Variants in ARHGAP20 observed in about 807,000 individuals in gnomAD.
The protein encoded by ARHGAP20 is rho GTPase-activating protein 20.
Under a neutral mutation model 73.7 loss-of-function variants are expected in ARHGAP20, and 34 were observed. The observed-to-expected ratio is 0.46, with a 90% confidence interval of 0.35 to 0.61. The LOEUF (loss-of-function observed/expected upper bound fraction) is 0.61, where lower values mean the gene tolerates loss of function less well. Among genes scored for constraint, ARHGAP20 ranks in the 20% least tolerant of loss-of-function variants. The pLI is 0.00. For synonymous variants in ARHGAP20, 523 were observed against 518.2 expected (o/e 1.01, Z -0.13); for missense variants, 1,314 against 1,420.9 (o/e 0.92, Z 1.21).
Position 110,712,421 on chromosome 11 carries a change from G to T in ARHGAP20, c.-190C>A. On this transcript the variant is annotated 5_prime_UTR_variant, in exon 1 of 15. Transcript: ENST00000683387. ...TACCTCCGCCTGCGCTCGACACCGC[G>T]GGCTGGAGGCGAGTGCAGCGGCGAC... is the stretch of plus-strand genomic sequence containing the variant. 3.4e-6 allele frequency: 1 copy of T among 293,518 alleles called. No individual in the cohort carries two copies. The highest frequency in any genetic ancestry group is 6.3e-5 in the East Asian group (1 of 15,790). The allele number at this position is 293,518 out of a possible 1,614,324, so 18.2% of individuals were successfully genotyped here. A position where few individuals can be genotyped will look rare whatever the true frequency, so the allele number is the denominator to read the frequency against.
In ARHGAP20 at chr11:110,712,109, C is replaced by A. The variant is rs1211236164; in HGVS notation, c.105+18G>T. The A allele has an allele frequency of 1.5e-6, 2 of 1,308,504 alleles. No individual in the cohort carries two copies. The highest frequency in any genetic ancestry group is 3.1e-5 in the East Asian group (1 of 32,714). 81.1% of individuals were successfully genotyped at this position (1,308,504 alleles called of 1,614,324 possible). Reference sequence around the variant, plus strand: ...GCTGCGGCGGCGGAGGGCACGGGCCCCCGCTCAGCGTCCTCACCTTCTTGG... The same window carrying A: ...GCTGCGGCGGCGGAGGGCACGGGCCACCGCTCAGCGTCCTCACCTTCTTGG... On this transcript the variant is annotated intron_variant, in intron 1 of 14. Transcript: ENST00000683387.
At chr11:110,593,366 T>G (rs1947876203) in intron 9 of ARHGAP20, among the ~76,000 whole-genome samples, 2 of 152,174 alleles carry the variant, frequency 1.3e-5, no homozygotes, top group Non-Finnish European at 2.9e-5. Flanking sequence ...AGGTTACACT[T>G]TTAAAAGTGG....
chr11:110,660,035 C>G (rs1224891922), intron 2 of ARHGAP20, among the ~76,000 whole-genome samples: 1 of 141,434 alleles, frequency 7.1e-6, no homozygotes. Flanking sequence ...GCACATGTAC[C>G]CTAAAACTTA....
intron 2 of ARHGAP20, among the ~76,000 whole-genome samples, chr11:110,654,998 G>C (rs1402708729): frequency 5.9e-5 from 9 of 152,128 alleles, no homozygotes; most frequent in Non-Finnish European, 1.3e-4. Flanking sequence ...CCCCAACTCT[G>C]GATGTCTACA....
At chr11:110,620,998 C>T (rs935873274) in intron 4 of ARHGAP20, among the ~76,000 whole-genome samples, 7 of 128,894 alleles carry the variant, frequency 5.4e-5, no homozygotes, top group Admixed American at 2.8e-4. Context: ...CACTTGAAGC[C>T]GGGAGGCAGA....
intron 13 of ARHGAP20, 94 bp downstream of exon 13, chr11:110,583,454 G>T: frequency 8.7e-7 from 1 of 1,153,446 alleles, no homozygotes; most frequent in Non-Finnish European, 1.2e-6. Flanking sequence ...GTATATTTAA[G>T]TTATTTAAGA....
chr11:110,606,865 CTTTG>C, intron 8 of ARHGAP20, 116 bp from the exon 9 acceptor site: 1 of 873,748 alleles, frequency 1.1e-6, no homozygotes, highest in Non-Finnish European at 1.6e-6. Flanking sequence ...TAAAGAATCC[CTTTG>C]TTTGACAGAA....
chr11:110,649,083 C>T (rs1448397797), intron 2 of ARHGAP20, among the ~76,000 whole-genome samples: 3 of 151,516 alleles, frequency 2.0e-5, no homozygotes, highest in Non-Finnish European at 4.4e-5. Flanking sequence ...AATTTAAATA[C>T]TTTCTCTTTG....
rs1374444363 is a variant in ARHGAP20, at chr11:110,705,530, A to C, written c.105+6597T>G. 5.3e-5 allele frequency among the ~76,000 whole-genome samples: 8 copies of C among 152,280 alleles called. No individual in the cohort carries two copies. The East Asian group carries it at 1.4e-3, about 26-fold the overall frequency. ...TTCAAAATTAATAATTACTTTTTACACATGTATAAGAAGATTATCCTTAAC... is the reference window on the plus strand; with the variant it reads ...TTCAAAATTAATAATTACTTTTTACCCATGTATAAGAAGATTATCCTTAAC... On this transcript the variant is annotated intron_variant, in intron 1 of 14. Coordinates refer to ENST00000683387, the MANE Select transcript of ARHGAP20 (RefSeq NM_001384657.1).
rs546583933 is a variant in ARHGAP20 at position 110,579,815 on chromosome 11, C to T, written c.3131G>A (p.Ser1044Asn). The T allele has an allele frequency of 6.2e-7, 1 of 1,614,112 alleles. No individual in the cohort carries two copies. The highest frequency in any genetic ancestry group is 1.3e-5 in the African/African-American group (1 of 75,048). Residue 1044 changes from serine to asparagine, a missense_variant, in exon 15 of 15, where the codon AGT becomes AAT. Ser to Asn is a conservative substitution (Grantham distance 46). Transcript: ENST00000683387. ...CTTTTTGAGGGACCAGTTTTTCAAA[C>T]TGGCCACACCATTTCTCAACCATGT... is the stretch of plus-strand genomic sequence containing the variant. ...PSTWLRNGVASLKNWSLKKKA... is the reference protein window; with the variant it reads ...PSTWLRNGVANLKNWSLKKKA...
At chr11:110,633,923 T>C (rs1948910147) in intron 2 of ARHGAP20, among the ~76,000 whole-genome samples, 1 of 152,110 alleles carries the variant, frequency 6.6e-6, no homozygotes, top group Non-Finnish European at 1.5e-5. Context: ...AAATAACTCT[T>C]TGTAATGGCT....
At chr11:110,607,747 T>C (rs984755133) in intron 8 of ARHGAP20, among the ~76,000 whole-genome samples, 4 of 152,120 alleles carry the variant, frequency 2.6e-5, no homozygotes, top group African/African-American at 9.7e-5. Context: ...TAATCTACAA[T>C]TGAGGTTTGC....
At chr11:110,643,895 A>G (rs1949127873) in intron 2 of ARHGAP20, among the ~76,000 whole-genome samples, 1 of 152,116 alleles carries the variant, frequency 6.6e-6, no homozygotes, top group Non-Finnish European at 1.5e-5. Context: ...GTCTTTTCAT[A>G]GGTCTAAAAT....
rs1947443356 is a variant in ARHGAP20 at position 110,580,876 on chromosome 11, T to G, written c.2070A>C (p.Ala690=). ...MCTPSYLSTA[A]ANAAKSLRRH... is the part of the protein sequence containing the mutation. ...GCCTCAGGCTTTTTGCAGCATTTGC[T>G]GCAGCTGTGGACAGGTAGCTGGGTG... The change falls in exon 15 of 15, where the codon GCA becomes GCC. Residue 690 remains alanine (A), a synonymous_variant. Coordinates refer to ENST00000683387, the MANE Select transcript of ARHGAP20 (RefSeq NM_001384657.1). 6.2e-7 allele frequency: 1 copy of G among 1,612,714 alleles called. No individual in the cohort carries two copies. Among genetic ancestry groups the G allele is most frequent in the Non-Finnish European group, 8.5e-7 (1 of 1,178,818 alleles).
In ARHGAP20 at chr11:110,592,106, G is replaced by A. The variant is rs765093170; in HGVS notation, c.1014C>T (p.Ala338=). 1.9e-6 allele frequency: 3 copies of A among 1,614,170 alleles called. No homozygotes were observed. In the South Asian group the frequency reaches 3.3e-5, roughly 18 times the overall value. ...GGTGAGTGCTAGAACCTCGCCAGAAGGCCCAGTTTATGATAGATCTTCTCC... is the reference window on the plus strand; with the variant it reads ...GGTGAGTGCTAGAACCTCGCCAGAAAGCCCAGTTTATGATAGATCTTCTCC... ...FKRRRSIINW[A]FWRGSSTHLD... Residue 338 remains alanine, a synonymous_variant, in exon 10 of 15, where the codon GCC becomes GCT. Coordinates refer to ENST00000683387, the MANE Select transcript of ARHGAP20 (RefSeq NM_001384657.1).
chr11:110,660,069 A>AAAAAAAC, intron 2 of ARHGAP20, among the ~76,000 whole-genome samples: 1 of 146,972 alleles, frequency 6.8e-6, no homozygotes, highest in Non-Finnish European at 1.5e-5. Flanking sequence ...AACAAAAAAA[A>AAAAAAAC]AAAAAAAAAG....
At chr11:110,694,762 C>T (rs1950305358) in intron 1 of ARHGAP20, among the ~76,000 whole-genome samples, 1 of 151,558 alleles carries the variant, frequency 6.6e-6, no homozygotes, top group Admixed American at 6.6e-5. Flanking sequence ...TTTTACTGAA[C>T]TCTCCTCTGT....
At chr11:110,663,024 C>T (rs1565465641) in intron 2 of ARHGAP20, among the ~76,000 whole-genome samples, 1 of 151,926 alleles carries the variant, frequency 6.6e-6, no homozygotes, top group Non-Finnish European at 1.5e-5. Context: ...AAACATACTA[C>T]ATCTCAGAAT....
At chr11:110,616,458 G>A (rs1434007716) in intron 4 of ARHGAP20, among the ~76,000 whole-genome samples, 1 of 152,106 alleles carries the variant, frequency 6.6e-6, no homozygotes, top group South Asian at 2.1e-4. Flanking sequence ...CTGTAGGCTT[G>A]AACTCCTGGG....
Sources: gnomAD v4.1 joint callset for allele counts (sites outside exome capture counted in the v4.1 genomes callset) on GRCh38, gnomAD v4.1.1 for gene constraint, MANE v1.5 for transcripts, NCBI Gene and HGNC (gene_info 2026-07-23, HGNC 2026-07-21) for gene names.